STXBP6: variants seen among roughly 807,000 people sequenced by gnomAD.
STXBP6 encodes the protein syntaxin binding protein 6.
In STXBP6, 21 loss-of-function variants were observed where a neutral mutation model predicts 26.9. The ratio of observed to expected loss-of-function variants is 0.78; its 90% CI spans 0.55 to 1.12. STXBP6 has a LOEUF of 1.12. Among genes scored for constraint, STXBP6 ranks in the 50% most tolerant of loss-of-function variants. STXBP6 has a pLI of 0.00. For missense variants in STXBP6, 232 were observed against 257.9 expected, an observed-to-expected ratio of 0.90 and a Z score of 0.69; for synonymous variants, 97 against 92.6, an observed-to-expected ratio of 1.05 and a Z score of -0.27.
intron 2 of STXBP6, 116 bp downstream of exon 2, chr14:24,974,549 A>T (rs567532320): frequency 1.1e-6 from 1 of 884,684 alleles, no homozygotes; most frequent in African/African-American, 1.7e-5. Context: ...GGGGAAAAGG[A>T]GCAAGACAGT....
At chr14:24,860,292 A>C (rs971770146) in intron 2 of STXBP6, among the ~76,000 whole-genome samples, 2 of 152,182 alleles carry the variant, frequency 1.3e-5, no homozygotes, top group Non-Finnish European at 2.9e-5. Flanking sequence ...AATAACAAAG[A>C]CCATGTCATA....
chr14:24,917,738 A>C (rs952709524), intron 2 of STXBP6, among the ~76,000 whole-genome samples: 1 of 152,114 alleles, frequency 6.6e-6, no homozygotes, highest in Non-Finnish European at 1.5e-5. Context: ...AAAGACAAAA[A>C]AAAGATAAAT....
intron 1 of STXBP6, among the ~76,000 whole-genome samples, chr14:25,047,794 T>C (rs1416730896): frequency 6.6e-6 from 1 of 152,222 alleles, no homozygotes; most frequent in African/African-American, 2.4e-5. Context: ...TTAATCTTCA[T>C]AGACTGATTT....
chr14:24,841,504 G>A (rs937017853), intron 4 of STXBP6, among the ~76,000 whole-genome samples: 2 of 152,040 alleles, frequency 1.3e-5, no homozygotes, highest in Non-Finnish European at 2.9e-5. Context: ...TCAAATACTG[G>A]TTTTCTGCCA....
intron 2 of STXBP6, among the ~76,000 whole-genome samples, chr14:24,919,850 T>C (rs1455182856): frequency 6.6e-6 from 1 of 152,022 alleles, no homozygotes; most frequent in Non-Finnish European, 1.5e-5. Flanking sequence ...TTCACTTGCT[T>C]ACAATACCAA....
chr14:24,907,090 C>A (rs1380637776), intron 2 of STXBP6, among the ~76,000 whole-genome samples: 1 of 151,948 alleles, frequency 6.6e-6, no homozygotes, highest in Admixed American at 6.6e-5. Flanking sequence ...GGAATATGTT[C>A]TAGTGTTTTA....
chr14:25,049,227 G>A lies in STXBP6; in HGVS notation c.-33+651C>T. The A allele has an allele frequency of 3.0e-6, 3 of 985,460 alleles. No individual in the cohort carries two copies. Among genetic ancestry groups the A allele is most frequent in the Non-Finnish European group, 3.6e-6 (3 of 829,972 alleles). The allele number at this position is 985,460 out of a possible 1,614,324, so 61.0% of individuals were successfully genotyped here. ...CCCACCTACTCCAGCCACGTTGCCC[G>A]GCGGTGTTGGTGAGGCTCGATGCCG... On this transcript the variant is annotated intron_variant, in intron 1 of 5. Coordinates refer to ENST00000323944, the MANE Select transcript of STXBP6 (RefSeq NM_001394410.1). The surrounding 1 kb of genome is among the most constrained non-coding windows in gnomAD (Gnocchi z 5.6).
In STXBP6 at chr14:25,049,015, G is replaced by T; in HGVS notation, c.-33+863C>A. On this transcript the variant is annotated intron_variant, in intron 1 of 5. Coordinates refer to ENST00000323944, the MANE Select transcript of STXBP6 (RefSeq NM_001394410.1). The surrounding 1 kb of genome is among the most constrained non-coding windows in gnomAD (Gnocchi z 5.6). ...GGAAGCGTAATAGGAAGGGGAGAAG[G>T]TTCGTTATGAAATCCTGGGGCCAGA... 1 of 303,058 alleles carries T rather than the reference G, an allele frequency of 3.3e-6. No individual in the cohort carries two copies. The highest frequency in any genetic ancestry group is 4.9e-6 in the Non-Finnish European group (1 of 205,888). 18.8% of individuals were successfully genotyped at this position (303,058 alleles called of 1,614,324 possible).
At chr14:24,978,834 T>C (rs978375132) in intron 1 of STXBP6, among the ~76,000 whole-genome samples, 3 of 152,146 alleles carry the variant, frequency 2.0e-5, no homozygotes, top group Non-Finnish European at 4.4e-5. Flanking sequence ...AATAAGACCA[T>C]CCTTTAGGTT....
At chr14:24,986,136 A>G (rs17109435) in intron 1 of STXBP6, among the ~76,000 whole-genome samples, 18,377 of 152,104 alleles carry the variant, frequency 0.12, 1,262 homozygotes, top group African/African-American at 0.19. Flanking sequence ...CTCAGATTAA[A>G]TTTTTTTTCT....
Position 24,974,808 on chromosome 14 carries a change from T to C in STXBP6, c.11A>G (p.Lys4Arg), listed in dbSNP as rs1262945978. Residue 4 changes from lysine (K) to arginine (R), a missense_variant, in exon 2 of 6, where the codon AAA (lysine) becomes AGA (arginine). Lys to Arg is a conservative substitution (Grantham distance 26). Coordinates refer to ENST00000323944, the MANE Select transcript of STXBP6 (RefSeq NM_001394410.1). ...AAAAATTTCCTTGCTGATAGCAGAT[T>C]TGGCACTCATTGTAGAACAAGTGAG... is the stretch of plus-strand genomic sequence containing the variant. MSA[K>R]SAISKEIFAP... The C allele has an allele frequency of 6.2e-7, 1 of 1,607,568 alleles. No individual in the cohort carries two copies. The highest frequency in any genetic ancestry group is 1.7e-5 in the Admixed American group (1 of 59,608).
At chr14:24,827,590 C>T (rs755905225) in intron 4 of STXBP6, among the ~76,000 whole-genome samples, 57 of 152,176 alleles carry the variant, frequency 3.7e-4, no homozygotes, top group Non-Finnish European at 7.8e-4. Context: ...AGGACATTCT[C>T]TCTCAGCAAG....
At chr14:24,892,684 A>T (rs1199699939) in intron 2 of STXBP6, among the ~76,000 whole-genome samples, 1 of 152,160 alleles carries the variant, frequency 6.6e-6, no homozygotes, top group Non-Finnish European at 1.5e-5. Context: ...CTGGCATCCC[A>T]TTGACAGCAC....
At chr14:24,871,628 A>G (rs1483531268) in intron 2 of STXBP6, among the ~76,000 whole-genome samples, 1 of 152,192 alleles carries the variant, frequency 6.6e-6, no homozygotes, top group African/African-American at 2.4e-5. Flanking sequence ...AAATGATAAA[A>G]TATCTCCTCT....
intron 1 of STXBP6, among the ~76,000 whole-genome samples, chr14:25,029,356 C>T (rs189155840): frequency 1.3e-5 from 2 of 152,254 alleles, no homozygotes; most frequent in African/African-American, 4.8e-5. Flanking sequence ...GCAAGACCCT[C>T]GACCAGCAAA....
chr14:24,876,558 G>A (rs1347151718), intron 2 of STXBP6, among the ~76,000 whole-genome samples: 1 of 152,142 alleles, frequency 6.6e-6, no homozygotes. Flanking sequence ...GGCAGCACAA[G>A]GGGTTTGACA....
intron 2 of STXBP6, among the ~76,000 whole-genome samples, chr14:24,927,527 G>A (rs985392998): frequency 6.6e-6 from 1 of 152,218 alleles, no homozygotes; most frequent in Non-Finnish European, 1.5e-5. Context: ...ATCTAGATTT[G>A]CTGAGAAAGT....
intron 2 of STXBP6, among the ~76,000 whole-genome samples, chr14:24,937,800 T>C (rs2072656811): frequency 6.6e-6 from 1 of 152,238 alleles, no homozygotes; most frequent in Admixed American, 6.5e-5. Flanking sequence ...ATTGTCCATG[T>C]GCATGCAGGG....
intron 2 of STXBP6, among the ~76,000 whole-genome samples, chr14:24,964,009 C>T (rs1051458760): frequency 6.8e-6 from 1 of 146,224 alleles, no homozygotes; most frequent in Non-Finnish European, 1.5e-5. Flanking sequence ...AAACAAGTAC[C>T]AGCCACTATA....
Sources: gnomAD v4.1 joint callset for allele counts (sites outside exome capture counted in the v4.1 genomes callset) on GRCh38, gnomAD v4.1.1 for gene constraint, Gnocchi (gnomAD v3.1) non-coding constraint, MANE v1.5 for transcripts, NCBI Gene and HGNC (gene_info 2026-07-23, HGNC 2026-07-21) for gene names.